FIS1: variants seen among roughly 807,000 people sequenced by gnomAD.
FIS1 encodes mitochondrial fission 1 protein.
FIS1 carries 16 observed loss-of-function variants against 21.6 expected under a neutral mutation model. That is an observed-to-expected ratio of 0.74 (90% CI 0.50 to 1.12). FIS1 has a LOEUF of 1.12. Ranked by LOEUF, FIS1 falls within the 50% of genes most tolerant of loss-of-function variation. The pLI is 0.00. For synonymous variants in FIS1, 92 were observed against 82.2 expected, an observed-to-expected ratio of 1.12 and a Z score of -0.65; for missense variants, 198 against 190.9, an observed-to-expected ratio of 1.04 and a Z score of -0.22.
chr7:101,243,401 C>G (rs1344056178), intron 2 of FIS1, among the ~76,000 whole-genome samples: 1 of 152,136 alleles, frequency 6.6e-6, no homozygotes, highest in East Asian at 1.9e-4. Flanking sequence ...CATGGTGAAA[C>G]CCTATCTCTA....
Position 101,239,570 on chromosome 7 carries a change from A to G in FIS1, c.*236T>C, listed in dbSNP as rs1798704354. On this transcript the variant is annotated 3_prime_UTR_variant, in exon 5 of 5. Coordinates refer to ENST00000223136, the MANE Select transcript of FIS1 (RefSeq NM_016068.3). ...AGTGACGTCTCCGCCCCCTGTGCCC[A>G]GCGTTCAGAACCCACCCCTCCCCTC... The G allele has an allele frequency of 6.8e-6, 4 of 587,388 alleles. No individual in the cohort carries two copies. The highest frequency in any genetic ancestry group is 1.3e-5 in the Non-Finnish European group (4 of 319,640). The allele number at this position is 587,388 out of a possible 1,614,324, so 36.4% of individuals were successfully genotyped here.
At chr7:101,240,747 G>A (rs1798735295) in intron 3 of FIS1, 83 bp downstream of exon 3, 4 of 1,355,708 alleles carry the variant, frequency 3.0e-6, no homozygotes, top group Middle Eastern at 4.9e-4. Flanking sequence ...CCTTCCCGCT[G>A]TCCAGGGCTC....
chr7:101,244,933 T>A (rs772364053), intron 1 of FIS1, 27 bp downstream of exon 1: 1 of 1,613,852 alleles, frequency 6.2e-7, no homozygotes, highest in Non-Finnish European at 8.5e-7. Context: ...CGACCTTCCC[T>A]TTCCCTCTGT....
rs199712135 is a variant in FIS1 at position 101,240,143 on chromosome 7, T to C, written c.360A>G (p.Lys120=). 4.3e-6 allele frequency: 7 copies of C among 1,614,008 alleles called. No individual in the cohort carries two copies. The African/African-American group carries it at 6.7e-5, about 15-fold the overall frequency. The change falls in exon 4 of 5, where the codon AAA becomes AAG. Residue 120 remains lysine (K), a splice_region_variant and synonymous_variant. Coordinates refer to ENST00000223136, the MANE Select transcript of FIS1 (RefSeq NM_016068.3). ...LERLIDKAMK[K]DGLVGMAIVG... is the part of the protein sequence containing the mutation. ...GAACAAAGGGGCCGAGGCTGTCACC[T>C]TTCTTCATGGCCTTGTCAATGAGCC...
intron 2 of FIS1, among the ~76,000 whole-genome samples, chr7:101,242,857 C>A (rs944042579): frequency 6.6e-6 from 1 of 151,444 alleles, no homozygotes; most frequent in Non-Finnish European, 1.5e-5. Context: ...ATTCAACGAA[C>A]CATGGATCAA....
chr7:101,240,108 G>A, intron 4 of FIS1, 34 bp downstream of exon 4: 1 of 1,604,308 alleles, frequency 6.2e-7, no homozygotes, highest in Non-Finnish European at 8.5e-7. Flanking sequence ...GCGTGGGGAA[G>A]AGCGGGGCTG....
intron 2 of FIS1, 124 bp from the exon 3 acceptor site, chr7:101,241,030 G>T: frequency 1.1e-6 from 1 of 929,272 alleles, no homozygotes; most frequent in Non-Finnish European, 1.7e-6. Context: ...ACAGTCCTAA[G>T]CCTCCCTTTC....
intron 2 of FIS1, among the ~76,000 whole-genome samples, chr7:101,242,636 G>A (rs768071440): frequency 5.9e-5 from 9 of 151,926 alleles, no homozygotes; most frequent in African/African-American, 1.2e-4. Flanking sequence ...TTAAAGGTGT[G>A]CGCCACCAGG....
At position 101,239,785 on chromosome 7, in the gene FIS1, C is replaced by G. The variant is rs1164777541; in HGVS notation, c.*21G>C. 1 of 1,573,318 alleles carries G rather than the reference C, an allele frequency of 6.4e-7. No homozygotes were observed. Among genetic ancestry groups the G allele is most frequent in the Non-Finnish European group, 8.6e-7 (1 of 1,157,848 alleles). ...TGGACAGGCCCTCCTGGAGCGTTCT[C>G]CGTGGGCTCCCGCGTCTCCTTCAGG... On this transcript the variant is annotated 3_prime_UTR_variant, in exon 5 of 5. Transcript: ENST00000223136.
At chr7:101,244,798 AG>A in intron 1 of FIS1, 161 bp downstream of exon 1, 1 of 780,144 alleles carries the variant, frequency 1.3e-6, no homozygotes, top group Non-Finnish European at 2.1e-6. Context: ...GCGGCATAGC[AG>A]GCCCTCCGGG....
chr7:101,244,585 G>A, intron 1 of FIS1: 1 of 369,502 alleles, frequency 2.7e-6, no homozygotes, highest in Non-Finnish European at 5.0e-6. Context: ...CTGAGATCTG[G>A]CATGCGATGC....
Position 101,239,665 on chromosome 7 carries a change from G to A in FIS1, c.*141C>T, listed in dbSNP as rs1160485398. The stretch of plus-strand genomic sequence containing the variant: ...CACTCATCCCAAAGCACATGATGGG[G>A]CTGAAGGACGAATCTCAGGGGAGCA... On this transcript the variant is annotated 3_prime_UTR_variant, in exon 5 of 5. Transcript: ENST00000223136. 1.3e-6 allele frequency: 1 copy of A among 747,880 alleles called. No homozygotes were observed. The highest frequency in any genetic ancestry group is 2.7e-5 in the East Asian group (1 of 37,350). The allele number at this position is 747,880 out of a possible 1,614,324, so 46.3% of individuals were successfully genotyped here. A position where few individuals can be genotyped will look rare whatever the true frequency, so the allele number is the denominator to read the frequency against.
chr7:101,240,281 A>G (rs1798725559), intron 3 of FIS1, 34 bp from the exon 4 acceptor site: 2 of 1,597,982 alleles, frequency 1.3e-6, no homozygotes, highest in Non-Finnish European at 8.6e-7. Context: ...CGTCATACAC[A>G]CCGCAGTGTT....
chr7:101,239,931 A>G lies in FIS1; in HGVS notation c.362-28T>C, dbSNP rs776584487. ...GGGGAAGGAAAGGGACAGTGTCAGG[A>G]GCCCGGCCCCTGCGGAAACCCTGAC... On this transcript the variant is annotated intron_variant, in intron 4 of 4. Transcript: ENST00000223136. The G allele has an allele frequency of 7.2e-5, 112 of 1,565,058 alleles. No homozygotes were observed. In the East Asian group the frequency reaches 2.4e-3, roughly 34 times the overall value.
intron 2 of FIS1, chr7:101,241,545 A>T (rs948108733): frequency 6.6e-6 from 1 of 150,568 alleles, no homozygotes; most frequent in East Asian, 1.9e-4. Context: ...AAAAAAAAAA[A>T]GTTAGGACTC....
Position 101,240,768 on chromosome 7 carries a change from G to A in FIS1, c.255+62C>T. On this transcript the variant is annotated intron_variant, in intron 3 of 4. Coordinates refer to ENST00000223136, the MANE Select transcript of FIS1 (RefSeq NM_016068.3). ...CGCTGTCCAGGGCTCCACCCTGGAG[G>A]ACACAGTAAGAAGGTCCTGCAGCCC... 3 of 1,523,256 alleles carry A rather than the reference G, an allele frequency of 2.0e-6. No homozygotes were observed. The South Asian group carries it at 3.4e-5, about 17-fold the overall frequency. 94.4% of individuals were successfully genotyped at this position (1,523,256 alleles called of 1,614,324 possible).
At chr7:101,244,893 C>G in intron 1 of FIS1, 67 bp downstream of exon 1, 4 of 1,592,356 alleles carry the variant, frequency 2.5e-6, no homozygotes, top group Non-Finnish European at 3.4e-6. Context: ...GGGTTCGGCC[C>G]CTACCTGACT....
At chr7:101,244,748 G>A (rs1443612521) in intron 1 of FIS1, 1 of 597,194 alleles carries the variant, frequency 1.7e-6, no homozygotes, top group African/African-American at 1.9e-5. Flanking sequence ...GTAGTCTGAG[G>A]TGTGGGGGGC....
chr7:101,245,053 T>C lies in FIS1; in HGVS notation c.-49A>G, dbSNP rs747270083. The C allele has an allele frequency of 6.3e-7, 1 of 1,591,480 alleles. No individual in the cohort carries two copies. The highest frequency in any genetic ancestry group is 8.6e-7 in the Non-Finnish European group (1 of 1,165,918). ...CACTACAGTCTACTGTGCCACAGTC[T>C]CCATGGCCCAGTGGCAGGGGCGGAG... On this transcript the variant is annotated 5_prime_UTR_variant, in exon 1 of 5. Coordinates refer to ENST00000223136, the MANE Select transcript of FIS1 (RefSeq NM_016068.3).
Sources: allele counts gnomAD v4.1 joint callset (sites outside exome capture counted in the v4.1 genomes callset), GRCh38; gene constraint gnomAD v4.1.1; transcripts MANE v1.5; gene names NCBI Gene and HGNC (gene_info 2026-07-23, HGNC 2026-07-21).